The following GLI3 variants were observed in gnomAD, a reference collection of about 807,000 sequenced individuals.
GLI3 encodes GLI family zinc finger 3, also known as transcription activator GLI3.
GLI3 carries 20 observed loss-of-function variants against 100.8 expected under a neutral mutation model. The ratio of observed to expected loss-of-function variants is 0.20; its 90% CI spans 0.14 to 0.29. The LOEUF (loss-of-function observed/expected upper bound fraction) is 0.29. Ranked by LOEUF, GLI3 falls within the 10% of genes least tolerant of loss-of-function variation. The pLI, the probability that GLI3 is intolerant of heterozygous loss-of-function variation, is 1.00. For synonymous variants in GLI3, 938 were observed against 860.5 expected, an observed-to-expected ratio of 1.09 and a Z score of -1.58; for missense variants, 2,040 against 2,128.5, an observed-to-expected ratio of 0.96 and a Z score of 0.82.
At chr7:42,130,712 T>C (rs930117528) in intron 3 of GLI3, among the ~76,000 whole-genome samples, 2 of 152,092 alleles carry the variant, frequency 1.3e-5, no homozygotes, top group African/African-American at 4.8e-5. Flanking sequence ...GATAAAATTA[T>C]TAAAGATAGA....
chr7:42,026,861 G>C (rs1176193899), intron 7 of GLI3, among the ~76,000 whole-genome samples: 1 of 152,146 alleles, frequency 6.6e-6, no homozygotes, highest in Non-Finnish European at 1.5e-5. Context: ...AAATCAATTG[G>C]TTAAATGTGT....
chr7:42,184,816 A>G (rs1399794229), intron 2 of GLI3, among the ~76,000 whole-genome samples: 1 of 152,148 alleles, frequency 6.6e-6, no homozygotes, highest in Non-Finnish European at 1.5e-5. Context: ...CAGCCGTCTC[A>G]GTACGACTTG....
At chr7:42,031,526 C>G (rs949984366) in intron 7 of GLI3, among the ~76,000 whole-genome samples, 1 of 152,246 alleles carries the variant, frequency 6.6e-6, no homozygotes, top group Non-Finnish European at 1.5e-5. Flanking sequence ...ACCCCAGATA[C>G]AGGTGGCAGC....
rs577288886 is a variant in GLI3 at position 41,965,504 on chromosome 7, G to A, written c.3569C>T (p.Ala1190Val). 2 of 1,607,602 alleles carry A rather than the reference G, an allele frequency of 1.2e-6. No homozygotes were observed. Among genetic ancestry groups the A allele is most frequent in the Admixed American group, 1.7e-5 (1 of 59,914 alleles). Reference protein sequence around the residue: ...GPRPAVPQTRAFGFCNGMVVH... With the variant: ...GPRPAVPQTRVFGFCNGMVVH... ...GACCATGCCGTTGCAGAACCCAAAG[G>A]CGCGAGTCTGCGGCACAGCGGGCCG... The change falls in exon 15 of 15, where the codon GCC becomes GTC. Residue 1190 changes from alanine to valine, a missense_variant. Around this residue, in one of 5 missense-constraint regions of GLI3, gnomAD observed 1,041 missense variants for 924.0 expected, o/e 1.13. Coordinates refer to ENST00000395925, the MANE Select transcript of GLI3 (RefSeq NM_000168.6).
intron 10 of GLI3, among the ~76,000 whole-genome samples, chr7:42,008,981 CT>C (rs1488234702): frequency 1.1e-4 from 17 of 152,320 alleles, no homozygotes; most frequent in Non-Finnish European, 1.0e-4. Context: ...GATAATTGCA[CT>C]CCACAACTTC....
chr7:42,230,185 T>C (rs893381049), intron 1 of GLI3, among the ~76,000 whole-genome samples: 4 of 152,000 alleles, frequency 2.6e-5, no homozygotes, highest in Non-Finnish European at 5.9e-5. Context: ...GTATAATTAT[T>C]TTACCTGTAT....
In GLI3 at chr7:41,975,169, C is replaced by A. The variant is rs529381463; in HGVS notation, c.1812+2389G>T. On this transcript the variant is annotated intron_variant, in intron 12 of 14. Coordinates refer to ENST00000395925, the MANE Select transcript of GLI3 (RefSeq NM_000168.6). Reference sequence around the variant, plus strand: ...GTCAGAGCTACGGTCAGTCTAGCAGCCCTAAATGAGCAGGACAGCCAGAGG... The same window carrying A: ...GTCAGAGCTACGGTCAGTCTAGCAGACCTAAATGAGCAGGACAGCCAGAGG... Among the ~76,000 whole-genome samples, 4 of 152,178 alleles carry A rather than the reference C, an allele frequency of 2.6e-5. No individual in the cohort carries two copies. In the East Asian group the frequency reaches 7.7e-4, roughly 29 times the overall value.
At chr7:41,970,936 G>A (rs1052284788) in intron 13 of GLI3, among the ~76,000 whole-genome samples, 3 of 152,146 alleles carry the variant, frequency 2.0e-5, no homozygotes, top group African/African-American at 7.2e-5. Flanking sequence ...CACAGTTTAT[G>A]AACTGATTAA....
At position 42,183,138 on chromosome 7, in the gene GLI3, C is replaced by T. The variant is rs149978227; in HGVS notation, c.125-34670G>A. On this transcript the variant is annotated intron_variant, in intron 2 of 14. Coordinates refer to ENST00000395925, the MANE Select transcript of GLI3 (RefSeq NM_000168.6). The stretch of plus-strand genomic sequence containing the variant: ...ACTCAGGAGGCTGAGGCATGAGAAT[C>T]GCTTGAACCCAGGAGGCAGAGGTTG... 2.4e-3 allele frequency among the ~76,000 whole-genome samples: 363 copies of T among 152,166 alleles called. 3 individuals are homozygous for T. The East Asian group carries it at 0.059, about 25-fold the overall frequency.
chr7:42,218,388 A>G (rs1051825165), intron 2 of GLI3, among the ~76,000 whole-genome samples: 1 of 151,854 alleles, frequency 6.6e-6, no homozygotes, highest in Admixed American at 6.6e-5. Context: ...ACTCCCAGCT[A>G]GAAGACCAAC....
intron 1 of GLI3, among the ~76,000 whole-genome samples, chr7:42,262,200 C>CCATCCTTCCTTCCTTCCTTCCTTA (rs1789149923): frequency 1.3e-5 from 1 of 74,772 alleles, no homozygotes; most frequent in Non-Finnish European, 3.1e-5. Flanking sequence ...TATTTTTTTT[C>CCATCCTTCCTTCCTTCCTTCCTTA]CTTCCTTCTT....
intron 10 of GLI3, among the ~76,000 whole-genome samples, chr7:41,997,927 T>G (rs949610782): frequency 6.6e-6 from 1 of 152,182 alleles, no homozygotes; most frequent in African/African-American, 2.4e-5. Flanking sequence ...AGCTCTAATA[T>G]TGATGTTTTC....
rs1410414014 is a variant in GLI3, at chr7:42,255,212, AT to A, written c.-43+8781del. On this transcript the variant is annotated intron_variant, in intron 1 of 2. Transcript: ENST00000678978. ...TTATGGTCTTCTTTCAGATAAAAAA[AT>A]AAATGTATTTTCCTTAAAAATGATT... Among the ~76,000 whole-genome samples the A allele has an allele frequency of 8.5e-5, 13 of 152,284 alleles. No individual in the cohort carries two copies. The East Asian group carries it at 9.6e-4, about 11-fold the overall frequency.
At chr7:42,260,584 T>G (rs79981060) in intron 1 of GLI3, among the ~76,000 whole-genome samples, 1,692 of 152,328 alleles carry the variant, frequency 0.011, 32 homozygotes, top group African/African-American at 0.039. Context: ...GAATGTTCAT[T>G]TTCTTTATTA....
At chr7:42,100,515 C>T (rs1785437045) in intron 3 of GLI3, among the ~76,000 whole-genome samples, 1 of 151,252 alleles carries the variant, frequency 6.6e-6, no homozygotes. Flanking sequence ...CTAGGCAGAT[C>T]GATTGAGCTC....
chr7:41,977,957 G>A (rs1787554579), intron 11 of GLI3: 1 of 564,286 alleles, frequency 1.8e-6, no homozygotes. Flanking sequence ...TTTTTTAATA[G>A]ACCGCTCAAT....
intron 10 of GLI3, among the ~76,000 whole-genome samples, chr7:42,006,229 G>A (rs1017047504): frequency 6.6e-6 from 1 of 151,330 alleles, no homozygotes; most frequent in Non-Finnish European, 1.5e-5. Context: ...CTCCAATGGG[G>A]CACAGGCTGC....
chr7:42,097,317 C>T (rs996095562), intron 3 of GLI3, among the ~76,000 whole-genome samples: 4 of 152,244 alleles, frequency 2.6e-5, no homozygotes, highest in South Asian at 2.1e-4. Context: ...TCTGTCACAG[C>T]CACCCTATTA....
At chr7:42,071,010 G>A (rs1032550774) in intron 4 of GLI3, among the ~76,000 whole-genome samples, 2 of 152,142 alleles carry the variant, frequency 1.3e-5, no homozygotes, top group Admixed American at 6.5e-5. Context: ...TTGTTGGCAC[G>A]AGGTGACACA....
Sources: gnomAD v4.1 joint callset for allele counts (sites outside exome capture counted in the v4.1 genomes callset) on GRCh38, gnomAD v4.1.1 for gene constraint, gnomAD v4.1.1 regional missense constraint, MANE v1.5 for transcripts, NCBI Gene and HGNC (gene_info 2026-07-23, HGNC 2026-07-21) for gene names.